KCNJ6: variants seen among roughly 807,000 people sequenced by gnomAD.
KCNJ6 encodes the protein G protein-activated inward rectifier potassium channel 2.
In KCNJ6, 9 loss-of-function variants were observed where a neutral mutation model predicts 34.2. That is an observed-to-expected ratio of 0.26 (90% CI 0.16 to 0.46). The LOEUF (loss-of-function observed/expected upper bound fraction) is 0.46. KCNJ6 is among the 20% of genes least tolerant of loss of function. The pLI, the probability that KCNJ6 is intolerant of heterozygous loss-of-function variation, is 1.00. For synonymous variants in KCNJ6, 196 were observed against 207.1 expected (o/e 0.95, Z 0.46); for missense variants, 236 against 531.3 (o/e 0.44, Z 5.46).
chr21:37,913,478 C>T (rs2055876756), intron 1 of KCNJ6, among the ~76,000 whole-genome samples: 2 of 152,152 alleles, frequency 1.3e-5, no homozygotes, highest in South Asian at 2.1e-4. Context: ...AGTTCTAGAC[C>T]GAGAGGAAAC....
intron 2 of KCNJ6, among the ~76,000 whole-genome samples, chr21:37,836,037 T>G (rs954396769): frequency 5.9e-5 from 9 of 151,970 alleles, no homozygotes; most frequent in African/African-American, 2.2e-4. Context: ...TAAACAAAAT[T>G]TACACGAAAA....
chr21:37,645,355 A>T (rs1419415995), intron 3 of KCNJ6, among the ~76,000 whole-genome samples: 2 of 152,074 alleles, frequency 1.3e-5, no homozygotes, highest in Non-Finnish European at 2.9e-5. Flanking sequence ...ATACAGCAAG[A>T]CTCTGTCTTT....
chr21:37,801,153 G>T (rs974857057), intron 2 of KCNJ6, among the ~76,000 whole-genome samples: 1 of 152,126 alleles, frequency 6.6e-6, no homozygotes, highest in Non-Finnish European at 1.5e-5. Flanking sequence ...CAACCCTTTG[G>T]CCTCAGTTTC....
intron 2 of KCNJ6, among the ~76,000 whole-genome samples, chr21:37,728,444 G>A (rs916793592): frequency 1.3e-5 from 2 of 152,316 alleles, no homozygotes; most frequent in East Asian, 1.9e-4. Context: ...TAAATTTTAT[G>A]TTAGGTATAT....
At chr21:37,660,619 A>G (rs186371524) in intron 3 of KCNJ6, among the ~76,000 whole-genome samples, 121 of 152,340 alleles carry the variant, frequency 7.9e-4, no homozygotes, top group African/African-American at 2.9e-3. Flanking sequence ...CCCAGGCAGC[A>G]AACACACACC....
At chr21:37,850,954 A>C (rs2055534307) in intron 1 of KCNJ6, among the ~76,000 whole-genome samples, 1 of 152,156 alleles carries the variant, frequency 6.6e-6, no homozygotes, top group South Asian at 2.1e-4. Context: ...TGCAGTGAAG[A>C]GTAATTGATT....
intron 3 of KCNJ6, among the ~76,000 whole-genome samples, chr21:37,670,360 C>T (rs1251846365): frequency 6.6e-6 from 1 of 152,118 alleles, no homozygotes; most frequent in Non-Finnish European, 1.5e-5. Flanking sequence ...CCTTGCATTT[C>T]CATATGAACT....
intron 2 of KCNJ6, among the ~76,000 whole-genome samples, chr21:37,748,597 G>T (rs2054979173): frequency 6.6e-6 from 1 of 152,178 alleles, no homozygotes; most frequent in African/African-American, 2.4e-5. Flanking sequence ...ATAAGCAAAA[G>T]CCCCAGTCTT....
chr21:37,853,862 AAATTACATTGTG>A (rs1568872539), intron 1 of KCNJ6, among the ~76,000 whole-genome samples: 12 of 146,544 alleles, frequency 8.2e-5, no homozygotes, highest in South Asian at 4.3e-4. Context: ...ATATATATAT[AAATTACATTGTG>A]TATATATACA....
chr21:37,679,874 G>A (rs923029839), intron 3 of KCNJ6, among the ~76,000 whole-genome samples: 3 of 152,222 alleles, frequency 2.0e-5, no homozygotes, highest in Admixed American at 2.0e-4. Flanking sequence ...CATTAACCTG[G>A]AAGAGCTTTA....
intron 2 of KCNJ6, among the ~76,000 whole-genome samples, chr21:37,763,114 G>C (rs2055073910): frequency 6.6e-6 from 1 of 152,012 alleles, no homozygotes; most frequent in Non-Finnish European, 1.5e-5. Flanking sequence ...GGCATGTGAG[G>C]AGGAATTTTC....
chr21:37,737,603 G>C (rs1206551849), intron 2 of KCNJ6, among the ~76,000 whole-genome samples: 3 of 152,224 alleles, frequency 2.0e-5, no homozygotes, highest in Admixed American at 6.5e-5. Context: ...TATCCGGAAA[G>C]AGGACTTGAT....
At chr21:37,672,478 G>A (rs952066730) in intron 3 of KCNJ6, among the ~76,000 whole-genome samples, 1 of 151,968 alleles carries the variant, frequency 6.6e-6, no homozygotes, top group Non-Finnish European at 1.5e-5. Context: ...AGCATCGGAA[G>A]TCCTCTCCCC....
chr21:37,659,667 C>T (rs1440687874), intron 3 of KCNJ6, among the ~76,000 whole-genome samples: 2 of 152,192 alleles, frequency 1.3e-5, no homozygotes, highest in Non-Finnish European at 2.9e-5. Context: ...GGGCTATAGC[C>T]TCAATTTCCC....
intron 2 of KCNJ6, among the ~76,000 whole-genome samples, chr21:37,746,641 C>T (rs1299646104): frequency 1.3e-5 from 2 of 152,204 alleles, no homozygotes; most frequent in African/African-American, 4.8e-5. Context: ...TAATTCCCCT[C>T]TGATTAAACA....
chr21:37,909,369 C>CTT (rs763546640), intron 1 of KCNJ6, among the ~76,000 whole-genome samples: 33 of 143,270 alleles, frequency 2.3e-4, no homozygotes, highest in Non-Finnish European at 2.6e-4. Context: ...GCACAAAGAA[C>CTT]TTTTTTTTTT....
intron 2 of KCNJ6, among the ~76,000 whole-genome samples, chr21:37,773,518 C>A (rs2123505487): frequency 6.6e-6 from 1 of 152,218 alleles, no homozygotes; most frequent in South Asian, 2.1e-4. Flanking sequence ...TTCACCTCCC[C>A]CTTTCCTCCC....
intron 2 of KCNJ6, among the ~76,000 whole-genome samples, chr21:37,794,588 CT>C (rs1333567455): frequency 8.5e-5 from 13 of 152,256 alleles, no homozygotes; most frequent in Non-Finnish European, 1.3e-4. Context: ...GTGTAATAAC[CT>C]TTTAAAAAAA....
At chr21:37,734,943 G>T (rs879291713) in intron 2 of KCNJ6, among the ~76,000 whole-genome samples, 5 of 152,060 alleles carry the variant, frequency 3.3e-5, no homozygotes, top group South Asian at 2.1e-4. Flanking sequence ...GGCGGCTCCT[G>T]GAATGAATGA....
Sources: allele counts gnomAD v4.1 joint callset (sites outside exome capture counted in the v4.1 genomes callset), GRCh38; gene constraint gnomAD v4.1.1; transcripts MANE v1.5; gene names NCBI Gene and HGNC (gene_info 2026-07-23, HGNC 2026-07-21).